Variants in ATOSA observed in about 807,000 individuals in gnomAD.
The protein encoded by ATOSA is atos homolog A, also known as atos homolog protein A.
chr15:52,636,890 G>A, the ATOSA span, among the ~76,000 whole-genome samples: 1 of 152,286 alleles, frequency 6.6e-6, no homozygotes, highest in East Asian at 1.9e-4. Context: ...GTTTCCAGAA[G>A]TTTTACACTT....
the ATOSA span, chr15:52,608,825 T>C: frequency 1.2e-6 from 2 of 1,605,032 alleles, no homozygotes; most frequent in Middle Eastern, 3.3e-4. Context: ...TCATATTTGT[T>C]CAAATATTCA....
the ATOSA span, among the ~76,000 whole-genome samples, chr15:52,685,963 TCAAGTGATCTTCC>T: frequency 5.6e-4 from 86 of 152,296 alleles, no homozygotes; most frequent in African/African-American, 2.0e-3. Flanking sequence ...CTGGACTCAC[TCAAGTGATCTTCC>T]CACCTCAGCC....
chr15:52,690,725 T>G, the ATOSA span, among the ~76,000 whole-genome samples: 1 of 152,240 alleles, frequency 6.6e-6, no homozygotes, highest in Non-Finnish European at 1.5e-5. Flanking sequence ...AGTGGTAATG[T>G]GCCACCTGTA....
At chr15:52,650,318 T>C in the ATOSA span, among the ~76,000 whole-genome samples, 1 of 152,198 alleles carries the variant, frequency 6.6e-6, no homozygotes, top group African/African-American at 2.4e-5. Context: ...TATAACTTTA[T>C]TTTGCTATAA....
At chr15:52,688,972 G>A in the ATOSA span, among the ~76,000 whole-genome samples, 16 of 152,324 alleles carry the variant, frequency 1.1e-4, no homozygotes, top group South Asian at 6.2e-4. Flanking sequence ...ATAACCCACA[G>A]TTGGGAAATT....
At chr15:52,612,134 G>A in the ATOSA span, among the ~76,000 whole-genome samples, 82 of 151,730 alleles carry the variant, frequency 5.4e-4, no homozygotes, top group East Asian at 0.014. Context: ...ACAGGTGCCC[G>A]CCAGCACGCC....
At chr15:52,637,151 T>C in the ATOSA span, among the ~76,000 whole-genome samples, 1 of 152,090 alleles carries the variant, frequency 6.6e-6, no homozygotes, top group Non-Finnish European at 1.5e-5. Flanking sequence ...ATCATTTTTG[T>C]TTGCTGTTAA....
At chr15:52,584,384 C>T in the ATOSA span, among the ~76,000 whole-genome samples, 2 of 151,998 alleles carry the variant, frequency 1.3e-5, no homozygotes, top group Non-Finnish European at 2.9e-5. Flanking sequence ...GTGATTGGCC[C>T]ACCTTGGCCT....
chr15:52,639,187 TGGGCC>T, the ATOSA span, among the ~76,000 whole-genome samples: 3 of 152,244 alleles, frequency 2.0e-5, no homozygotes, highest in Middle Eastern at 3.4e-3. Context: ...TACAAGTCTT[TGGGCC>T]TGAAAATCAG....
the ATOSA span, among the ~76,000 whole-genome samples, chr15:52,618,578 T>C: frequency 3.9e-5 from 6 of 152,358 alleles, no homozygotes; most frequent in Admixed American, 3.9e-4. Flanking sequence ...CCTGCAAAAC[T>C]GTAATACATC....
the ATOSA span, among the ~76,000 whole-genome samples, chr15:52,602,917 C>A: frequency 1.3e-5 from 2 of 152,096 alleles, no homozygotes; most frequent in Non-Finnish European, 2.9e-5. Flanking sequence ...CCAGGTTACA[C>A]CTTGGGAATT....
the ATOSA span, chr15:52,601,258 T>A: frequency 1.3e-6 from 1 of 762,838 alleles, no homozygotes; most frequent in Non-Finnish European, 2.1e-6. Flanking sequence ...AATTTAAGCA[T>A]ATCTTTGAAA....
chr15:52,629,550 TC>T, the ATOSA span: 1 of 300,158 alleles, frequency 3.3e-6, no homozygotes, highest in Non-Finnish European at 6.6e-6. Context: ...ATGCCTGTAA[TC>T]CCAGCACTTT....
At chr15:52,647,174 T>C in the ATOSA span, among the ~76,000 whole-genome samples, 1 of 152,170 alleles carries the variant, frequency 6.6e-6, no homozygotes, top group Non-Finnish European at 1.5e-5. Context: ...TGTTTTACAT[T>C]TGTGTGTTCT....
the ATOSA span, among the ~76,000 whole-genome samples, chr15:52,660,798 T>C: frequency 6.6e-6 from 1 of 151,944 alleles, no homozygotes; most frequent in Admixed American, 6.6e-5. Flanking sequence ...ATTACAAGCA[T>C]GGGCCACCAA....
the ATOSA span, among the ~76,000 whole-genome samples, chr15:52,623,031 T>A: frequency 6.6e-6 from 1 of 151,752 alleles, no homozygotes; most frequent in Non-Finnish European, 1.5e-5. Flanking sequence ...GTGTAACATG[T>A]GCCTGTGGTT....
At chr15:52,677,159 T>C in the ATOSA span, among the ~76,000 whole-genome samples, 1 of 152,190 alleles carries the variant, frequency 6.6e-6, no homozygotes, top group Non-Finnish European at 1.5e-5. Context: ...AAGCATCTAA[T>C]TCGTAGGATA....
chr15:52,588,606 T>G, the ATOSA span, among the ~76,000 whole-genome samples: 1 of 152,048 alleles, frequency 6.6e-6, no homozygotes, highest in African/African-American at 2.4e-5. Flanking sequence ...GCCCAGCTAA[T>G]TTTTGTATTT....
At chr15:52,645,923 CTG>C in the ATOSA span, among the ~76,000 whole-genome samples, 1 of 152,184 alleles carries the variant, frequency 6.6e-6, no homozygotes, top group Non-Finnish European at 1.5e-5. Flanking sequence ...TAAGAATATT[CTG>C]TGTTAAAAAG....
Sources: allele counts gnomAD v4.1 joint callset (sites outside exome capture counted in the v4.1 genomes callset), GRCh38; gene constraint gnomAD v4.1.1; transcripts MANE v1.5; gene names NCBI Gene and HGNC (gene_info 2026-07-23, HGNC 2026-07-21).